SFSWAP: variants seen among roughly 807,000 people sequenced by gnomAD.
SFSWAP encodes the protein splicing factor SWAP, also known as splicing factor, suppressor of white-apricot homolog.
Under a neutral mutation model 100.7 loss-of-function variants are expected in SFSWAP, and 17 were observed. The ratio of observed to expected loss-of-function variants is 0.17; its 90% CI spans 0.12 to 0.25. SFSWAP has a LOEUF of 0.25. Among genes scored for constraint, SFSWAP ranks in the 10% least tolerant of loss-of-function variants. The probability of loss-of-function intolerance (pLI) is 1.00; values close to 1 mark genes in which losing one functional copy is unlikely to be tolerated. For missense variants in SFSWAP, 1,005 were observed against 1,262.6 expected, an observed-to-expected ratio of 0.80 and a Z score of 3.09; for synonymous variants, 504 against 510.1, an observed-to-expected ratio of 0.99 and a Z score of 0.16.
chr12:131,766,302 T>C lies in SFSWAP; in HGVS notation c.2136T>C (p.Ser712=), dbSNP rs1399656552. ...GGAAAATTGAGGAGAGTCCTTTCAG[T>C]GTCGAGGTATAGTAAAATCCCACAT... ...EAGKIEESPF[S]VEESSTTPCP... The change falls in exon 13 of 18, where the codon AGT becomes AGC. Residue 712 remains serine, a synonymous_variant. Transcript: ENST00000261674. 1 of 1,613,904 alleles carries C rather than the reference T, an allele frequency of 6.2e-7. No individual in the cohort carries two copies. Among genetic ancestry groups the C allele is most frequent in the Middle Eastern group, 1.7e-4 (1 of 6,032 alleles).
chr12:131,753,363 G>A lies in SFSWAP; in HGVS notation c.1322G>A (p.Ser441Asn), dbSNP rs753026017. 6.2e-7 allele frequency: 1 copy of A among 1,611,492 alleles called. No individual in the cohort carries two copies. Among genetic ancestry groups the A allele is most frequent in the Non-Finnish European group, 8.5e-7 (1 of 1,178,144 alleles). Reference sequence around the variant, plus strand: ...GCCACCTCCACAACCACCACCACAAGGTAGGTGCAGCGTCCACCGCTGCCT... The same window carrying A: ...GCCACCTCCACAACCACCACCACAAAGTAGGTGCAGCGTCCACCGCTGCCT... ...SGATSTTTTTSALAPVAAIIP... is the reference protein window; with the variant it reads ...SGATSTTTTTNALAPVAAIIP... Residue 441 changes from serine (S) to asparagine (N), a missense_variant and splice_region_variant, in exon 8 of 18, where the codon AGT (serine) becomes AAT (asparagine). By Grantham distance (46) the Ser-to-Asn change is conservative. Coordinates refer to ENST00000261674, the MANE Select transcript of SFSWAP (RefSeq NM_004592.4).
rs762795557 is a variant in SFSWAP, at chr12:131,719,411, C to T, written c.521-43C>T. On this transcript the variant is annotated intron_variant, in intron 3 of 17. Transcript: ENST00000261674. ...CTGCCTGCTGTTAGCAGGTGCCTTC[C>T]TCCCTGCATTGTTCTGAATTTTTTA... The T allele has an allele frequency of 4.1e-6, 6 of 1,476,192 alleles. No homozygotes were observed. The African/African-American group carries it at 8.3e-5, about 20-fold the overall frequency. The allele number at this position is 1,476,192 out of a possible 1,614,324, so 91.4% of individuals were successfully genotyped here. A position where few individuals can be genotyped will look rare whatever the true frequency, so the allele number is the denominator to read the frequency against.
chr12:131,788,659 G>A (rs1379564827), intron 15 of SFSWAP, among the ~76,000 whole-genome samples: 3 of 151,702 alleles, frequency 2.0e-5, no homozygotes, highest in Non-Finnish European at 4.4e-5. Flanking sequence ...CTGAGTTGCT[G>A]GGGCCACAGG....
chr12:131,738,260 T>C (rs1167814571), intron 7 of SFSWAP, among the ~76,000 whole-genome samples: 1 of 152,208 alleles, frequency 6.6e-6, no homozygotes, highest in Non-Finnish European at 1.5e-5. Context: ...TTTTTAAAAA[T>C]GGTTTTATTG....
intron 1 of SFSWAP, chr12:131,713,232 C>T (rs1052201977): frequency 6.6e-6 from 1 of 152,156 alleles, no homozygotes; most frequent in Non-Finnish European, 1.5e-5. Context: ...CTGACAGTTA[C>T]ACGTTGACAG....
intron 11 of SFSWAP, among the ~76,000 whole-genome samples, chr12:131,762,233 CA>C (rs903906034): frequency 1.3e-3 from 172 of 133,818 alleles, no homozygotes; most frequent in South Asian, 3.4e-3. Context: ...ACTCCGTCTC[CA>C]AAAAAAAAAC....
In SFSWAP at chr12:131,730,837, G is replaced by A. The variant is rs893010859; in HGVS notation, c.1081+2409G>A. Among the ~76,000 whole-genome samples, 10 of 152,146 alleles carry A rather than the reference G, an allele frequency of 6.6e-5. No individual in the cohort carries two copies. The highest frequency in any genetic ancestry group is 9.7e-5 in the African/African-American group (4 of 41,424). On this transcript the variant is annotated intron_variant, in intron 7 of 17. Transcript: ENST00000261674. The surrounding 1 kb of genome is among the most constrained non-coding windows in gnomAD (Gnocchi z 4.0). The stretch of plus-strand genomic sequence containing the variant: ...GGGTGCCCTCTCCTCCCCTCAATAC[G>A]GTGCCGTTGTTTTGAAACTCATCGT...
intron 14 of SFSWAP, chr12:131,785,224 T>G: frequency 6.5e-7 from 1 of 1,533,332 alleles, no homozygotes; most frequent in Non-Finnish European, 8.7e-7. Flanking sequence ...TGGTAAAACG[T>G]CAAGGTGTCT....
rs1415772597 is a variant in SFSWAP at position 131,733,545 on chromosome 12, A to G, written c.1081+5117A>G. ...TCCTTGCCTCTGAGCAGTGGAGCCA[A>G]GGCTGGAGGTGGGCGCAGCTCCATG... On this transcript the variant is annotated intron_variant, in intron 7 of 17. Coordinates refer to ENST00000261674, the MANE Select transcript of SFSWAP (RefSeq NM_004592.4). This position sits in a 1 kb window ranked among gnomAD's most constrained non-coding sequence, Gnocchi z 5.1. Among the ~76,000 whole-genome samples the G allele has an allele frequency of 6.6e-6, 1 of 151,190 alleles. No individual in the cohort carries two copies. Among genetic ancestry groups the G allele is most frequent in the African/African-American group, 2.4e-5 (1 of 41,038 alleles).
At chr12:131,786,792 G>A (rs1185244742) in intron 15 of SFSWAP, among the ~76,000 whole-genome samples, 2 of 152,136 alleles carry the variant, frequency 1.3e-5, no homozygotes, top group African/African-American at 4.8e-5. Context: ...TGGTGGGCGG[G>A]GGTCACTTAC....
chr12:131,781,895 A>T (rs1335591119), intron 14 of SFSWAP, among the ~76,000 whole-genome samples: 1 of 152,248 alleles, frequency 6.6e-6, no homozygotes, highest in Non-Finnish European at 1.5e-5. Flanking sequence ...ATAATATTAT[A>T]AAACAAAACC....
chr12:131,786,711 C>A, intron 15 of SFSWAP, 123 bp downstream of exon 15: 2 of 957,042 alleles, frequency 2.1e-6, no homozygotes, highest in Non-Finnish European at 3.1e-6. Flanking sequence ...GTGCTGAGTC[C>A]CCCACCACCC....
intron 11 of SFSWAP, chr12:131,757,416 G>A (rs1046703637): frequency 1.3e-5 from 2 of 152,402 alleles, no homozygotes; most frequent in Non-Finnish European, 2.9e-5. Context: ...TGTCGGGGAG[G>A]GGCCAGCACA....
chr12:131,791,618 AGT>A (rs1355938308), intron 15 of SFSWAP, among the ~76,000 whole-genome samples: 1 of 148,842 alleles, frequency 6.7e-6, no homozygotes, highest in Non-Finnish European at 1.5e-5. Context: ...CGGGTGTGGT[AGT>A]GTGCGTCTGT....
At chr12:131,735,247 G>A (rs12315014) in intron 7 of SFSWAP, among the ~76,000 whole-genome samples, 46,388 of 152,190 alleles carry the variant, frequency 0.3, 8,719 homozygotes, top group Non-Finnish European at 0.44. Flanking sequence ...CTACACGCCC[G>A]CGCCTGAAGA....
At chr12:131,728,924 G>T (rs1257558562) in intron 7 of SFSWAP, among the ~76,000 whole-genome samples, 1 of 152,008 alleles carries the variant, frequency 6.6e-6, no homozygotes, top group Non-Finnish European at 1.5e-5. Flanking sequence ...CGAGCTCCTG[G>T]GCTTAAGCAG....
intron 11 of SFSWAP, among the ~76,000 whole-genome samples, chr12:131,758,997 G>A (rs1424519886): frequency 6.6e-6 from 1 of 152,204 alleles, no homozygotes; most frequent in Non-Finnish European, 1.5e-5. Flanking sequence ...TAAGGTGGGA[G>A]GATCTTTTGA....
chr12:131,785,190 C>T (rs913465727), intron 14 of SFSWAP: 41 of 1,535,578 alleles, frequency 2.7e-5, no homozygotes, highest in East Asian at 1.7e-4. Flanking sequence ...GATTTGACTC[C>T]GCGAGCTCTT....
chr12:131,766,440 A>G (rs1463990639), intron 13 of SFSWAP, 132 bp downstream of exon 13: 18 of 810,012 alleles, frequency 2.2e-5, no homozygotes, highest in Non-Finnish European at 3.6e-5. Context: ...TCCTCCCGAC[A>G]TGGTTGAGTG....
Sources: gnomAD v4.1 joint callset for allele counts (sites outside exome capture counted in the v4.1 genomes callset) on GRCh38, gnomAD v4.1.1 for gene constraint, Gnocchi (gnomAD v3.1) non-coding constraint, MANE v1.5 for transcripts, NCBI Gene and HGNC (gene_info 2026-07-23, HGNC 2026-07-21) for gene names.